NADK2: variants seen among roughly 807,000 people sequenced by gnomAD.
NADK2 encodes NAD kinase 2, mitochondrial.
Under a neutral mutation model 62.1 loss-of-function variants are expected in NADK2, and 35 were observed. The ratio of observed to expected loss-of-function variants is 0.56; its 90% confidence interval spans 0.43 to 0.75. NADK2 has a LOEUF of 0.75. NADK2 is among the 30% of genes least tolerant of loss of function. The pLI is 0.00. For missense variants in NADK2, 439 were observed against 561.3 expected (o/e 0.78, Z 2.20); for synonymous variants, 205 against 207.9 (o/e 0.99, Z 0.12).
rs376035643 is a variant in NADK2 at position 36,219,611 on chromosome 5, T to C, written c.629A>G (p.Tyr210Cys). The stretch of plus-strand genomic sequence containing the variant: ...AAATTCCTACCTGAACTCACCACGA[T>C]AGAACTTCTGTAAGGCTTCTGGAAA... Reference protein sequence around the residue: ...HSFPEALQKFYRGEFRWLWRQ... With the variant: ...HSFPEALQKFCRGEFRWLWRQ... The change falls in exon 5 of 12, where the codon TAT becomes TGT. Residue 210 changes from tyrosine (Y) to cysteine (C), a missense_variant. By Grantham distance (194) the Tyr-to-Cys change is radical. Transcript: ENST00000381937. 48 of 1,613,844 alleles carry C rather than the reference T, an allele frequency of 3.0e-5. No individual in the cohort carries two copies. The highest frequency in any genetic ancestry group is 2.4e-4 in the African/African-American group (18 of 74,916).
At chr5:36,235,502 TTC>T (rs1013686163) in intron 1 of NADK2, among the ~76,000 whole-genome samples, 3 of 152,190 alleles carry the variant, frequency 2.0e-5, no homozygotes, top group Non-Finnish European at 2.9e-5. Flanking sequence ...AAGAGACTGA[TTC>T]AGAGAGGTTA....
At chr5:36,208,830 A>G in intron 7 of NADK2, 1 of 619,672 alleles carries the variant, frequency 1.6e-6, no homozygotes, top group Non-Finnish European at 2.8e-6. Flanking sequence ...TTTTCAGAGC[A>G]TAGTGAAGCC....
At position 36,211,994 on chromosome 5, in the gene NADK2, A is replaced by G. The variant is rs919892891; in HGVS notation, c.782-72T>C. ...TCTAGAAATGTTATAAAAATTTTAT[A>G]AAACACTACAACTTTTATATTTTTG... On this transcript the variant is annotated intron_variant, in intron 6 of 11. Coordinates refer to ENST00000381937, the MANE Select transcript of NADK2 (RefSeq NM_001085411.3). 25 of 1,092,372 alleles carry G rather than the reference A, an allele frequency of 2.3e-5. 1 individual carries two copies. In the South Asian group the frequency reaches 2.3e-4, roughly 10 times the overall value. The allele number at this position is 1,092,372 out of a possible 1,614,324, so 67.7% of individuals were successfully genotyped here.
chr5:36,218,421 T>C (rs528370103), intron 5 of NADK2, among the ~76,000 whole-genome samples: 3 of 152,222 alleles, frequency 2.0e-5, no homozygotes, highest in Non-Finnish European at 4.4e-5. Flanking sequence ...TCAGGTTTAA[T>C]TGATTTCAAA....
rs62356073 is a variant in NADK2, at chr5:36,241,820, G to A, written c.-22C>T. 0.53 allele frequency: 679,375 copies of A among 1,289,756 alleles called. 190,132 individuals carry two copies. The highest frequency in any genetic ancestry group is 0.58 in the Non-Finnish European group (588,787 of 1,020,150). 79.9% of individuals were successfully genotyped at this position (1,289,756 alleles called of 1,614,324 possible). On this transcript the variant is annotated 5_prime_UTR_variant, in exon 1 of 12. Transcript: ENST00000381937. The surrounding 1 kb of genome is among the most constrained non-coding windows in gnomAD (Gnocchi z 4.9). ...TCATCGTGGGCCGGGCCGCGGCCGC[G>A]GGCTTGGGCTCGGGCCCCTTGCCTC...
rs1306380778 is a variant in NADK2, at chr5:36,193,385, A to C, written c.*1759T>G. 3 of 147,996 alleles carry C rather than the reference A, an allele frequency of 2.0e-5. No homozygotes were observed. The East Asian group carries it at 6.0e-4, about 30-fold the overall frequency. The allele number at this position is 147,996 out of a possible 1,614,324, so 9.2% of individuals were successfully genotyped here. On this transcript the variant is annotated 3_prime_UTR_variant, in exon 12 of 12. Coordinates refer to ENST00000381937, the MANE Select transcript of NADK2 (RefSeq NM_001085411.3). Reference sequence around the variant, plus strand: ...CAGCTACTTGGGAGGCTGAGGCAGGAGAATCGCTTGAACCTGGGAGATGGA... The same window carrying C: ...CAGCTACTTGGGAGGCTGAGGCAGGCGAATCGCTTGAACCTGGGAGATGGA...
chr5:36,195,458 G>A (rs537603917), intron 11 of NADK2, among the ~76,000 whole-genome samples, 176 bp from the exon 12 acceptor site: 1 of 152,076 alleles, frequency 6.6e-6, no homozygotes, highest in Non-Finnish European at 1.5e-5. Flanking sequence ...GTCTCAAAAC[G>A]TTCAGGATGG....
intron 7 of NADK2, among the ~76,000 whole-genome samples, chr5:36,210,590 A>T (rs191915757): frequency 1.2e-4 from 19 of 152,324 alleles, no homozygotes; most frequent in Admixed American, 1.1e-3. Context: ...ATATTCTGCA[A>T]TCCAACTGGC....
At chr5:36,220,468 C>A (rs1426968265) in intron 4 of NADK2, among the ~76,000 whole-genome samples, 1 of 152,082 alleles carries the variant, frequency 6.6e-6, no homozygotes, top group African/African-American at 2.4e-5. Flanking sequence ...GTAGGCTTAG[C>A]AAAACAAACT....
At chr5:36,212,875 C>T (rs1746901461) in intron 6 of NADK2, 1 of 152,248 alleles carries the variant, frequency 6.6e-6, no homozygotes, top group African/African-American at 2.4e-5. Flanking sequence ...TATACTCACA[C>T]TCTCTTTCCC....
rs4869626 is a variant in NADK2 at position 36,205,896 on chromosome 5, T to C, written c.956+1274A>G. On this transcript the variant is annotated intron_variant, in intron 8 of 11. Coordinates refer to ENST00000381937, the MANE Select transcript of NADK2 (RefSeq NM_001085411.3). This position sits in a 1 kb window ranked among gnomAD's most constrained non-coding sequence, Gnocchi z 4.1. ...TAGCAAAGACTTGGAACCAACCCAATTGTCCACCAATAACAGACTGGATAA... is the reference window on the plus strand; with the variant it reads ...TAGCAAAGACTTGGAACCAACCCAACTGTCCACCAATAACAGACTGGATAA... Among the ~76,000 whole-genome samples the C allele has an allele frequency of 6.6e-6, 1 of 152,098 alleles. No homozygotes were observed. The highest frequency in any genetic ancestry group is 6.6e-5 in the Admixed American group (1 of 15,260).
In NADK2 at chr5:36,235,574, C is replaced by T. The variant is rs16902845; in HGVS notation, c.300+5925G>A. Among the ~76,000 whole-genome samples the T allele has an allele frequency of 0.012, 1,850 of 152,294 alleles. 157 individuals are homozygous for T. The East Asian group carries it at 0.21, about 18-fold the overall frequency. On this transcript the variant is annotated intron_variant, in intron 1 of 11. Coordinates refer to ENST00000381937, the MANE Select transcript of NADK2 (RefSeq NM_001085411.3). ...GTGCTTTCAGGATCAAAACTCTGATCTTCTGCTGTTAAAGCAGGATTTGTC... is the reference window on the plus strand; with the variant it reads ...GTGCTTTCAGGATCAAAACTCTGATTTTCTGCTGTTAAAGCAGGATTTGTC...
intron 8 of NADK2, among the ~76,000 whole-genome samples, chr5:36,202,646 T>C (rs1746490054): frequency 6.6e-6 from 1 of 152,114 alleles, no homozygotes; most frequent in South Asian, 2.1e-4. Flanking sequence ...GACTGAGTTG[T>C]AGCTAATGGA....
At chr5:36,224,518 C>T (rs6865319) in intron 4 of NADK2, among the ~76,000 whole-genome samples, 53,287 of 148,080 alleles carry the variant, frequency 0.36, 11,458 homozygotes, top group Non-Finnish European at 0.49. Context: ...GAGTGCGCCA[C>T]TGCACTCCAG....
chr5:36,230,501 T>C (rs1747668837), intron 1 of NADK2, among the ~76,000 whole-genome samples: 1 of 152,242 alleles, frequency 6.6e-6, no homozygotes, highest in Non-Finnish European at 1.5e-5. Context: ...CTTACTAGAA[T>C]ATAAGTGCTG....
At chr5:36,228,518 C>T (rs1354768146) in intron 1 of NADK2, among the ~76,000 whole-genome samples, 2 of 151,996 alleles carry the variant, frequency 1.3e-5, no homozygotes, top group African/African-American at 4.8e-5. Flanking sequence ...CTCCTGCCTC[C>T]GTTTACCAAG....
chr5:36,219,509 C>A (rs1222273085), intron 5 of NADK2, 87 bp downstream of exon 5: 5 of 1,210,216 alleles, frequency 4.1e-6, no homozygotes, highest in African/African-American at 3.0e-5. Context: ...CCGTGCCCTG[C>A]CTGATTTGTT....
rs770236886 is a variant in NADK2, at chr5:36,241,752, G to A, written c.47C>T (p.Ala16Val). The A allele has an allele frequency of 2.9e-4, 378 of 1,310,812 alleles. 1 individual carries two copies. The highest frequency in any genetic ancestry group is 1.0e-4 in the Non-Finnish European group (105 of 1,025,688). The allele number at this position is 1,310,812 out of a possible 1,614,324, so 81.2% of individuals were successfully genotyped here. ...CCGCAGCGCCGCCGCCCGGCCGCCC[G>A]CCACGCGACAACAGCTGCCCAGCAA... ...GFLLGSCCRV[A>V]GGRAAALRGP... is the part of the protein sequence containing the mutation. Residue 16 changes from alanine (A) to valine (V), a missense_variant, in exon 1 of 12, where the codon GCG (alanine) becomes GTG (valine). Ala to Val is a moderately conservative substitution (Grantham distance 64). Transcript: ENST00000381937. This position sits in a 1 kb window ranked among gnomAD's most constrained non-coding sequence, Gnocchi z 4.9.
At chr5:36,195,702 T>G (rs1746206225) in intron 11 of NADK2, among the ~76,000 whole-genome samples, 4 of 152,196 alleles carry the variant, frequency 2.6e-5, no homozygotes, top group Admixed American at 2.6e-4. Flanking sequence ...AAATTATTAA[T>G]GTACAGTTCA....
Sources: allele counts gnomAD v4.1 joint callset (sites outside exome capture counted in the v4.1 genomes callset), GRCh38; gene constraint gnomAD v4.1.1; non-coding constraint Gnocchi (gnomAD v3.1); transcripts MANE v1.5; gene names NCBI Gene and HGNC (gene_info 2026-07-23, HGNC 2026-07-21).